Variants in TMEM236 observed in about 807,000 individuals in gnomAD.
TMEM236 encodes family with sequence similarity 23, member A.
TMEM236 carries 11 observed loss-of-function variants against 14.7 expected under a neutral mutation model. The observed-to-expected ratio is 0.75, with a 90% CI of 0.47 to 1.24. TMEM236 has a LOEUF of 1.24. TMEM236 is among the 50% of genes most tolerant of loss of function. TMEM236 has a pLI of 0.00. For synonymous variants in TMEM236, 182 were observed against 168.6 expected, an observed-to-expected ratio of 1.08 and a Z score of -0.62; for missense variants, 464 against 427.3, an observed-to-expected ratio of 1.09 and a Z score of -0.76.
chr10:17,755,832 C>T (rs1183476882), intron 1 of TMEM236, among the ~76,000 whole-genome samples: 1 of 152,152 alleles, frequency 6.6e-6, no homozygotes, highest in Non-Finnish European at 1.5e-5. Flanking sequence ...ACTCAAATCC[C>T]TAAGACTCTA....
intron 3 of TMEM236, among the ~76,000 whole-genome samples, chr10:17,790,655 G>A (rs1460811102): frequency 3.3e-5 from 5 of 152,120 alleles, no homozygotes; most frequent in Non-Finnish European, 2.9e-5. Context: ...GACTACCACT[G>A]CTTTGTGTGC....
At chr10:17,779,620 A>G (rs1379146414) in intron 3 of TMEM236, among the ~76,000 whole-genome samples, 1 of 152,102 alleles carries the variant, frequency 6.6e-6, no homozygotes, top group Non-Finnish European at 1.5e-5. Context: ...CCTGTTGGCC[A>G]GGCTGGTCTT....
intron 3 of TMEM236, among the ~76,000 whole-genome samples, chr10:17,786,412 G>A (rs1009546517): frequency 3.3e-5 from 5 of 152,236 alleles, no homozygotes; most frequent in Admixed American, 6.5e-5. Flanking sequence ...ATGCTGGAGG[G>A]CAGTGCCACG....
chr10:17,788,628 C>T (rs1286799377), intron 3 of TMEM236, among the ~76,000 whole-genome samples: 2 of 151,242 alleles, frequency 1.3e-5, no homozygotes, highest in African/African-American at 2.4e-5. Flanking sequence ...AAATTTTAAA[C>T]CACCTAGCTT....
chr10:17,764,379 G>A (rs1589141341), intron 1 of TMEM236, among the ~76,000 whole-genome samples: 1 of 152,294 alleles, frequency 6.6e-6, no homozygotes, highest in Middle Eastern at 3.4e-3. Context: ...AGTCTTTCAT[G>A]TGGAAATTAC....
At chr10:17,753,483 A>T (rs1564590861) in intron 1 of TMEM236, among the ~76,000 whole-genome samples, 1 of 152,044 alleles carries the variant, frequency 6.6e-6, no homozygotes, top group Non-Finnish European at 1.5e-5. Flanking sequence ...CCACTTATAA[A>T]TGAGAACATG....
At position 17,800,342 on chromosome 10, in the gene TMEM236, A is replaced by G. The variant is rs1838076348; in HGVS notation, c.*3838A>G. On this transcript the variant is annotated 3_prime_UTR_variant, in exon 4 of 4. Transcript: ENST00000377495. ...AATAATTTTATTGCATTATAATTAT[A>G]AAGTAGTTTTATAATTTTATAAAAT... 6.6e-6 allele frequency: 1 copy of G among 151,790 alleles called. No homozygotes were observed. The highest frequency in any genetic ancestry group is 1.5e-5 in the Non-Finnish European group (1 of 67,952). 9.4% of individuals were successfully genotyped at this position (151,790 alleles called of 1,614,324 possible).
Position 17,796,291 on chromosome 10 carries a change from A to G in TMEM236, c.843A>G (p.Thr281=). 1 of 1,613,822 alleles carries G rather than the reference A, an allele frequency of 6.2e-7. No individual in the cohort carries two copies. Residue 281 remains threonine, a synonymous_variant, in exon 4 of 4, where the codon ACA becomes ACG. Coordinates refer to ENST00000377495, the MANE Select transcript of TMEM236 (RefSeq NM_001098844.3). ...GTTTTATTTCTCTCCTTCGAATTAC[A>G]TTCACTCCCCAAAACCCTCTTCTCA... ...IFSFISLLRI[T]FTPQNPLLNS...
chr10:17,769,467 T>A (rs1332512019), intron 1 of TMEM236, among the ~76,000 whole-genome samples: 1 of 152,094 alleles, frequency 6.6e-6, no homozygotes, highest in Non-Finnish European at 1.5e-5. Context: ...TTTGAAGCAA[T>A]GGGAACGGAT....
intron 1 of TMEM236, among the ~76,000 whole-genome samples, chr10:17,768,730 T>A (rs1837517701): frequency 7.6e-6 from 1 of 132,350 alleles, no homozygotes; most frequent in South Asian, 2.2e-4. Flanking sequence ...ACAACTCATG[T>A]GTGTGTGTGT....
intron 1 of TMEM236, among the ~76,000 whole-genome samples, chr10:17,752,789 A>G (rs1837228166): frequency 2.6e-5 from 4 of 150,982 alleles, no homozygotes; most frequent in Admixed American, 6.6e-5. Flanking sequence ...CTAGTCTTGA[A>G]CTCCTGACCT....
chr10:17,761,963 C>T (rs1474141216), intron 1 of TMEM236, among the ~76,000 whole-genome samples: 3 of 152,142 alleles, frequency 2.0e-5, no homozygotes, highest in Non-Finnish European at 4.4e-5. Context: ...ATATAGCTCT[C>T]TTTCTCATCC....
chr10:17,774,188 G>T (rs2131751704), intron 2 of TMEM236, among the ~76,000 whole-genome samples: 1 of 152,154 alleles, frequency 6.6e-6, no homozygotes, highest in East Asian at 1.9e-4. Flanking sequence ...GGGACGACAG[G>T]CATGTGCCAC....
At chr10:17,762,996 T>G (rs1243111275) in intron 1 of TMEM236, among the ~76,000 whole-genome samples, 1 of 152,186 alleles carries the variant, frequency 6.6e-6, no homozygotes, top group African/African-American at 2.4e-5. Flanking sequence ...ATTTCCAGGC[T>G]ACTGCAGGTA....
intron 1 of TMEM236, among the ~76,000 whole-genome samples, chr10:17,758,311 C>T (rs1837310901): frequency 6.7e-6 from 1 of 150,200 alleles, no homozygotes; most frequent in Non-Finnish European, 1.5e-5. Context: ...GTTGATGAGG[C>T]TTATCTGAGA....
Position 17,796,073 on chromosome 10 carries a change from G to T in TMEM236, c.625G>T (p.Glu209Ter). 3 of 1,613,880 alleles carry T rather than the reference G, an allele frequency of 1.9e-6. No individual in the cohort carries two copies. The highest frequency in any genetic ancestry group is 2.5e-6 in the Non-Finnish European group (3 of 1,179,858). ...QPSGAMTRSQ[E>*]SVFMGPQEPS... ...ATCAGGAGCCATGACACGGAGCCAG[G>T]AGTCTGTGTTCATGGGACCCCAGGA... The change falls in exon 4 of 4, where the codon GAG becomes TAG. Residue 209 changes from glutamate (E) to a stop codon, truncating the protein, a stop_gained. Coordinates refer to ENST00000377495, the MANE Select transcript of TMEM236 (RefSeq NM_001098844.3). LOFTEE classifies it low-confidence loss of function (END_TRUNC).
At chr10:17,764,836 C>T (rs1473936202) in intron 1 of TMEM236, among the ~76,000 whole-genome samples, 1 of 70,468 alleles carries the variant, frequency 1.4e-5, no homozygotes, top group Non-Finnish European at 3.3e-5. Flanking sequence ...TCAGATTTTC[C>T]CTTTTTTTTT....
intron 3 of TMEM236, among the ~76,000 whole-genome samples, chr10:17,780,496 T>G (rs1837728057): frequency 6.6e-6 from 1 of 152,120 alleles, no homozygotes; most frequent in African/African-American, 2.4e-5. Flanking sequence ...GTGCCACAGA[T>G]GAAGGAAAAC....
intron 1 of TMEM236, among the ~76,000 whole-genome samples, chr10:17,758,053 G>T (rs1209148421): frequency 2.6e-5 from 4 of 152,150 alleles, no homozygotes; most frequent in African/African-American, 9.6e-5. Flanking sequence ...ACAGGCGTAA[G>T]CCACCAGGTG....
Sources: allele counts gnomAD v4.1 joint callset (sites outside exome capture counted in the v4.1 genomes callset), GRCh38; gene constraint gnomAD v4.1.1; transcripts MANE v1.5; gene names NCBI Gene and HGNC (gene_info 2026-07-23, HGNC 2026-07-21).